The following WWOX variants were observed in gnomAD, a reference collection of about 807,000 sequenced individuals.
WWOX encodes the protein WW domain containing oxidoreductase, also known as WW domain-containing oxidoreductase.
In WWOX, 69 loss-of-function variants were observed where a neutral mutation model predicts 46.2. The ratio of observed to expected loss-of-function variants is 1.49; its 90% CI spans 1.23 to 1.82. The LOEUF is 1.82. Ranked by LOEUF, WWOX falls within the 40% of genes most tolerant of loss-of-function variation. WWOX has a pLI of 0.00. For synonymous variants in WWOX, 359 were observed against 202.6 expected, an observed-to-expected ratio of 1.77 and a Z score of -6.56; for missense variants, 919 against 542.6, an observed-to-expected ratio of 1.69 and a Z score of -6.89.
chr16:78,546,039 C>T (rs1449664322), intron 8 of WWOX, among the ~76,000 whole-genome samples: 1 of 152,166 alleles, frequency 6.6e-6, no homozygotes, highest in Admixed American at 6.5e-5. Context: ...GTAACATGCT[C>T]TATGCTGGGC....
intron 8 of WWOX, among the ~76,000 whole-genome samples, chr16:78,935,631 A>G (rs924381588): frequency 6.6e-6 from 1 of 151,992 alleles, no homozygotes; most frequent in African/African-American, 2.4e-5. Flanking sequence ...GGAGAAGGAT[A>G]GCATTAGGAG....
At chr16:78,148,243 G>C (rs1818577126) in intron 4 of WWOX, among the ~76,000 whole-genome samples, 2 of 152,176 alleles carry the variant, frequency 1.3e-5, no homozygotes, top group African/African-American at 4.8e-5. Flanking sequence ...GGTTGTCTTA[G>C]TAGATAGGAG....
intron 5 of WWOX, among the ~76,000 whole-genome samples, chr16:78,345,070 G>A (rs62034411): frequency 0.32 from 37,563 of 117,338 alleles, 12,797 homozygotes; most frequent in South Asian, 0.55. Context: ...AAGTACCTAG[G>A]AGATTGTCCT....
In WWOX at chr16:79,211,899, G is replaced by T. The variant is rs755934387; in HGVS notation, c.*103G>T. On this transcript the variant is annotated 3_prime_UTR_variant, in exon 9 of 9. Coordinates refer to ENST00000566780, the MANE Select transcript of WWOX (RefSeq NM_016373.4). ...CCAAATGTCCCTCCAACACAGATCC[G>T]CAAGAGTAAAGGAAATAAGAGCAGT... 10 of 1,560,028 alleles carry T rather than the reference G, an allele frequency of 6.4e-6. No homozygotes were observed. The highest frequency in any genetic ancestry group is 2.3e-5 in the South Asian group (2 of 86,326).
chr16:78,633,635 T>G (rs903128003), intron 8 of WWOX, among the ~76,000 whole-genome samples: 1 of 152,150 alleles, frequency 6.6e-6, no homozygotes, highest in Non-Finnish European at 1.5e-5. Context: ...TCATAAACAT[T>G]GCTGCAAGGC....
At chr16:78,917,287 T>A (rs971591092) in intron 8 of WWOX, among the ~76,000 whole-genome samples, 3 of 152,210 alleles carry the variant, frequency 2.0e-5, no homozygotes, top group Admixed American at 6.5e-5. Context: ...CTAACTCAAA[T>A]CAGAATTTCG....
intron 8 of WWOX, among the ~76,000 whole-genome samples, chr16:78,676,179 G>C (rs2047594863): frequency 6.6e-6 from 1 of 151,800 alleles, no homozygotes; most frequent in Admixed American, 6.6e-5. Context: ...CTTCTCTATA[G>C]CTTGCTGTCT....
chr16:78,690,792 G>A (rs950507072), intron 8 of WWOX, among the ~76,000 whole-genome samples: 4 of 152,116 alleles, frequency 2.6e-5, no homozygotes, highest in East Asian at 3.9e-4. Flanking sequence ...TATATAAACC[G>A]TTCAGTAAAA....
At chr16:78,812,622 A>C (rs2051219530) in intron 8 of WWOX, among the ~76,000 whole-genome samples, 1 of 151,998 alleles carries the variant, frequency 6.6e-6, no homozygotes, top group Non-Finnish European at 1.5e-5. Context: ...GCTGCTCGGG[A>C]GGCTGACGCG....
chr16:78,213,051 G>T (rs545686224), intron 5 of WWOX, among the ~76,000 whole-genome samples: 3 of 151,980 alleles, frequency 2.0e-5, no homozygotes, highest in African/African-American at 7.2e-5. Context: ...TCAGAAGTTC[G>T]AGACCAGCCT....
At position 79,211,773 on chromosome 16, in the gene WWOX, C is replaced by T. The variant is rs144234059; in HGVS notation, c.1222C>T (p.Arg408Trp). ...WALSERLIQE[R>W]LGSQSG is the part of the protein sequence containing the mutation. ...GCTCAGCGAGAGGCTGATCCAAGAACGGCTTGGCAGCCAGTCCGGCTAAGT... is the reference window on the plus strand; with the variant it reads ...GCTCAGCGAGAGGCTGATCCAAGAATGGCTTGGCAGCCAGTCCGGCTAAGT... The change falls in exon 9 of 9, where the codon CGG becomes TGG. Residue 408 changes from arginine (R) to tryptophan (W), a missense_variant. By Grantham distance (101) the Arg-to-Trp change is moderately radical. Transcript: ENST00000566780. The T allele has an allele frequency of 6.4e-5, 103 of 1,614,124 alleles. No homozygotes were observed. Among genetic ancestry groups the T allele is most frequent in the African/African-American group, 4.0e-4 (30 of 75,066 alleles).
At chr16:79,138,004 G>A (rs960389134) in intron 8 of WWOX, among the ~76,000 whole-genome samples, 1 of 152,170 alleles carries the variant, frequency 6.6e-6, no homozygotes, top group Non-Finnish European at 1.5e-5. Flanking sequence ...ACATTCCAAG[G>A]AAGGGAAATG....
chr16:79,025,460 A>T (rs1054486898), intron 8 of WWOX, among the ~76,000 whole-genome samples: 4 of 152,186 alleles, frequency 2.6e-5, no homozygotes, highest in Non-Finnish European at 4.4e-5. Flanking sequence ...GACAGAAGTG[A>T]AGAAGGCACA....
chr16:78,582,261 T>G (rs563793758), intron 8 of WWOX, among the ~76,000 whole-genome samples: 8 of 152,132 alleles, frequency 5.3e-5, no homozygotes, highest in Non-Finnish European at 8.8e-5. Flanking sequence ...TCAAGTAAGA[T>G]CTATACTTTT....
intron 8 of WWOX, among the ~76,000 whole-genome samples, chr16:79,023,414 G>T (rs2047574460): frequency 6.6e-6 from 1 of 152,200 alleles, no homozygotes; most frequent in South Asian, 2.1e-4. Flanking sequence ...TTACCCTGGA[G>T]TTGTGAGGAC....
At chr16:78,486,529 T>C (rs1298076519) in intron 8 of WWOX, among the ~76,000 whole-genome samples, 1 of 150,616 alleles carries the variant, frequency 6.6e-6, no homozygotes, top group Non-Finnish European at 1.5e-5. Context: ...CTGGTTGTTG[T>C]ACACTACTGG....
At chr16:78,407,195 G>C (rs1483403373) in intron 6 of WWOX, among the ~76,000 whole-genome samples, 1 of 152,174 alleles carries the variant, frequency 6.6e-6, no homozygotes, top group Non-Finnish European at 1.5e-5. Context: ...AGGAAAGACA[G>C]TTGAACACCA....
At chr16:79,165,268 A>G (rs1024769567) in intron 8 of WWOX, among the ~76,000 whole-genome samples, 1 of 152,074 alleles carries the variant, frequency 6.6e-6, no homozygotes, top group African/African-American at 2.4e-5. Context: ...TGACCTTGCC[A>G]TTGCGGAGGT....
chr16:78,944,731 G>A (rs1365823782), intron 8 of WWOX, among the ~76,000 whole-genome samples: 1 of 152,116 alleles, frequency 6.6e-6, no homozygotes, highest in Admixed American at 6.5e-5. Context: ...TCCTAGGACT[G>A]CACTGCTGCT....
Sources: gnomAD v4.1 joint callset for allele counts (sites outside exome capture counted in the v4.1 genomes callset) on GRCh38, gnomAD v4.1.1 for gene constraint, MANE v1.5 for transcripts, NCBI Gene and HGNC (gene_info 2026-07-23, HGNC 2026-07-21) for gene names.